AFF3: variants seen among roughly 807,000 people sequenced by gnomAD.
AFF3 encodes the protein ALF transcription elongation factor 3, also known as AF4/FMR2 family member 3.
A neutral mutation model predicts 129.7 loss-of-function variants in AFF3; 32 were observed. The observed-to-expected ratio is 0.25, with a 90% confidence interval of 0.19 to 0.33. The LOEUF is 0.33. AFF3 is among the 10% of genes least tolerant of loss of function. AFF3 has a pLI of 1.00. For missense variants in AFF3, 1,373 were observed against 1,592.0 expected (o/e 0.86, Z 2.34); for synonymous variants, 644 against 635.4 (o/e 1.01, Z -0.20).
chr2:99,710,229 A>G (rs1042507148), intron 11 of AFF3, among the ~76,000 whole-genome samples: 3 of 152,234 alleles, frequency 2.0e-5, no homozygotes, highest in Non-Finnish European at 2.9e-5. Flanking sequence ...TATTTAATAC[A>G]GAGCCTGGCA....
At chr2:99,724,783 G>A (rs1001068140) in intron 11 of AFF3, among the ~76,000 whole-genome samples, 1 of 152,086 alleles carries the variant, frequency 6.6e-6, no homozygotes, top group African/African-American at 2.4e-5. Flanking sequence ...TCTCTTGAGC[G>A]GTTTCAAGTT....
At chr2:99,759,540 G>A (rs1400020968) in intron 8 of AFF3, among the ~76,000 whole-genome samples, 7 of 152,160 alleles carry the variant, frequency 4.6e-5, no homozygotes, top group African/African-American at 1.7e-4. Flanking sequence ...ATGCAAACTT[G>A]CTTGCTAATT....
intron 2 of AFF3, among the ~76,000 whole-genome samples, chr2:100,121,954 C>T (rs1449317523): frequency 1.3e-5 from 2 of 151,804 alleles, no homozygotes; most frequent in Admixed American, 6.6e-5. Context: ...CCCAGCTACT[C>T]GGGAGGCTGA....
chr2:99,573,898 T>C (rs952231040), intron 18 of AFF3, among the ~76,000 whole-genome samples: 2 of 152,292 alleles, frequency 1.3e-5, no homozygotes, highest in Non-Finnish European at 2.9e-5. Flanking sequence ...CCCTGGCACC[T>C]GGGGTTCTCT....
chr2:99,609,517 AAT>A (rs1216199087), intron 13 of AFF3, among the ~76,000 whole-genome samples: 2 of 152,228 alleles, frequency 1.3e-5, no homozygotes, highest in African/African-American at 4.8e-5. Context: ...CACTTAGAAT[AAT>A]AGTCTCCAGA....
intron 10 of AFF3, among the ~76,000 whole-genome samples, chr2:99,732,170 T>C (rs561019637): frequency 1.4e-4 from 22 of 151,954 alleles, no homozygotes; most frequent in Non-Finnish European, 2.8e-4. Flanking sequence ...CTGGCTAACA[T>C]GGTGAAACCC....
intron 12 of AFF3, 90 bp from the exon 13 acceptor site, chr2:99,649,756 T>G: frequency 6.8e-7 from 1 of 1,475,878 alleles, no homozygotes; most frequent in South Asian, 1.2e-5. Context: ...GACCCCTGCA[T>G]TACACACATT....
At chr2:99,984,791 G>A (rs1679719636) in intron 7 of AFF3, among the ~76,000 whole-genome samples, 1 of 151,838 alleles carries the variant, frequency 6.6e-6, no homozygotes, top group Non-Finnish European at 1.5e-5. Context: ...TTTGTTGGGT[G>A]GTTTTATAGG....
intron 7 of AFF3, among the ~76,000 whole-genome samples, chr2:99,920,499 T>C (rs1695783623): frequency 6.6e-6 from 1 of 152,052 alleles, no homozygotes; most frequent in South Asian, 2.1e-4. Flanking sequence ...CCCAGTTGTG[T>C]TACTACACCC....
chr2:99,769,572 G>C (rs1362398046), intron 8 of AFF3, among the ~76,000 whole-genome samples: 1 of 152,164 alleles, frequency 6.6e-6, no homozygotes, highest in Non-Finnish European at 1.5e-5. Context: ...ACCGGTGTTT[G>C]GGCACTGAAT....
intron 7 of AFF3, among the ~76,000 whole-genome samples, chr2:99,849,086 A>G (rs1421628167): frequency 6.6e-6 from 1 of 152,140 alleles, no homozygotes; most frequent in African/African-American, 2.4e-5. Flanking sequence ...TACAAAATCA[A>G]TGGATGACAG....
At chr2:100,085,251 T>C (rs1689330009) in intron 4 of AFF3, among the ~76,000 whole-genome samples, 3 of 141,542 alleles carry the variant, frequency 2.1e-5, no homozygotes, top group Admixed American at 7.2e-5. Context: ...CAGCTCTTTT[T>C]CAAAGCAAAT....
chr2:99,881,245 C>A (rs537591429), intron 7 of AFF3, among the ~76,000 whole-genome samples: 41 of 152,136 alleles, frequency 2.7e-4, no homozygotes, highest in Non-Finnish European at 5.3e-4. Flanking sequence ...GCATCCACTT[C>A]TGACAAATGT....
intron 14 of AFF3, among the ~76,000 whole-genome samples, chr2:99,600,212 A>G (rs527479954): frequency 1.3e-5 from 2 of 152,228 alleles, no homozygotes; most frequent in South Asian, 4.2e-4. Flanking sequence ...TGGGAAGGAG[A>G]GCGTGGAGAG....
chr2:99,974,003 T>A (rs1678638188), intron 7 of AFF3, among the ~76,000 whole-genome samples: 1 of 152,228 alleles, frequency 6.6e-6, no homozygotes, highest in African/African-American at 2.4e-5. Flanking sequence ...CATTTAAACA[T>A]AACTTCCAAA....
intron 7 of AFF3, among the ~76,000 whole-genome samples, chr2:99,897,708 G>A (rs892915595): frequency 6.6e-5 from 10 of 152,090 alleles, no homozygotes; most frequent in South Asian, 2.1e-4. Context: ...TTCACTTACC[G>A]TCTTCTATCA....
chr2:99,571,476 C>A (rs1192144286), intron 18 of AFF3, among the ~76,000 whole-genome samples: 1 of 152,138 alleles, frequency 6.6e-6, no homozygotes, highest in African/African-American at 2.4e-5. Flanking sequence ...TTTTCATCTG[C>A]AGCATAGGGG....
At chr2:100,111,253 G>A (rs1387378149) in intron 2 of AFF3, among the ~76,000 whole-genome samples, 1 of 152,212 alleles carries the variant, frequency 6.6e-6, no homozygotes, top group Non-Finnish European at 1.5e-5. Context: ...AATGTGCCCC[G>A]CACATTGCCG....
intron 11 of AFF3, among the ~76,000 whole-genome samples, chr2:99,691,945 A>G (rs1675708520): frequency 6.6e-6 from 1 of 152,256 alleles, no homozygotes; most frequent in South Asian, 2.1e-4. Flanking sequence ...AGCCCAGGAA[A>G]GGACTAAATT....
Sources: allele counts gnomAD v4.1 joint callset (sites outside exome capture counted in the v4.1 genomes callset), GRCh38; gene constraint gnomAD v4.1.1; transcripts MANE v1.5; gene names NCBI Gene and HGNC (gene_info 2026-07-23, HGNC 2026-07-21).